The following HLCS variants were observed in gnomAD, a reference collection of about 807,000 sequenced individuals.
The protein encoded by HLCS is biotin--protein ligase.
A neutral mutation model predicts 75.0 loss-of-function variants in HLCS; 53 were observed. The observed-to-expected ratio is 0.71, with a 90% confidence interval of 0.57 to 0.89. The LOEUF is 0.89. Among genes scored for constraint, HLCS ranks in the 40% least tolerant of loss-of-function variants. The probability of loss-of-function intolerance (pLI) is 0.00; values close to 1 mark genes in which losing one functional copy is unlikely to be tolerated. For synonymous variants in HLCS, 431 were observed against 428.6 expected (o/e 1.01, Z -0.07); for missense variants, 966 against 1,074.0 (o/e 0.90, Z 1.41).
chr21:36,805,878 T>C (rs1282120312), intron 6 of HLCS, among the ~76,000 whole-genome samples: 9 of 152,210 alleles, frequency 5.9e-5, no homozygotes, highest in Non-Finnish European at 1.5e-5. Flanking sequence ...GAGAAACTAA[T>C]TTTCAATTGA....
At chr21:36,831,371 G>A (rs79270002) in intron 6 of HLCS, among the ~76,000 whole-genome samples, 7,824 of 152,186 alleles carry the variant, frequency 0.051, 326 homozygotes, top group East Asian at 0.17. Flanking sequence ...TAAATTACAT[G>A]TCTCAGAATA....
chr21:36,789,293 C>T (rs538450659), intron 6 of HLCS, among the ~76,000 whole-genome samples: 4 of 152,198 alleles, frequency 2.6e-5, no homozygotes, highest in East Asian at 1.9e-4. Context: ...TTAAACAGTA[C>T]ATACCACCTC....
At chr21:36,803,317 G>T (rs568173772) in intron 6 of HLCS, among the ~76,000 whole-genome samples, 1 of 152,326 alleles carries the variant, frequency 6.6e-6, no homozygotes, top group East Asian at 1.9e-4. Context: ...CCTTCTCCAT[G>T]GTCTCTGCCT....
At chr21:36,798,769 C>T (rs1482475550) in intron 6 of HLCS, among the ~76,000 whole-genome samples, 1 of 152,200 alleles carries the variant, frequency 6.6e-6, no homozygotes, top group African/African-American at 2.4e-5. Flanking sequence ...TGTTAATTTG[C>T]ATTTCTCTGA....
chr21:36,875,455 A>G (rs1345150687), intron 6 of HLCS, among the ~76,000 whole-genome samples: 1 of 152,210 alleles, frequency 6.6e-6, no homozygotes. Flanking sequence ...CCCCGCTGAG[A>G]GCTGGACACA....
intron 5 of HLCS, among the ~76,000 whole-genome samples, chr21:36,913,758 T>C (rs181799515): frequency 1.1e-4 from 16 of 151,972 alleles, no homozygotes; most frequent in African/African-American, 2.7e-4. Flanking sequence ...AAAGACTCCA[T>C]CTTAAAAAAA....
chr21:36,975,972 GAA>G (rs1202818837), intron 1 of HLCS, among the ~76,000 whole-genome samples: 1 of 152,164 alleles, frequency 6.6e-6, no homozygotes, highest in Non-Finnish European at 1.5e-5. Context: ...CTGAATTTTA[GAA>G]CAGTTGAATT....
At chr21:36,796,719 T>C (rs2061036500) in intron 6 of HLCS, among the ~76,000 whole-genome samples, 1 of 152,154 alleles carries the variant, frequency 6.6e-6, no homozygotes, top group Non-Finnish European at 1.5e-5. Context: ...CTTTGACTCT[T>C]CTACTGAGGG....
At chr21:36,811,533 TG>T (rs1461491353) in intron 6 of HLCS, among the ~76,000 whole-genome samples, 1 of 152,238 alleles carries the variant, frequency 6.6e-6, no homozygotes, top group Non-Finnish European at 1.5e-5. Flanking sequence ...TCCCTGCTGC[TG>T]TTCTAATGCA....
At chr21:36,759,203 A>G in intron 9 of HLCS, 1 of 471,110 alleles carries the variant, frequency 2.1e-6, no homozygotes. Flanking sequence ...CCAGGAACCT[A>G]AGGACTTCTG....
At chr21:36,982,045 CAA>C (rs2069132387) in intron 1 of HLCS, among the ~76,000 whole-genome samples, 1 of 151,970 alleles carries the variant, frequency 6.6e-6, no homozygotes, top group African/African-American at 2.4e-5. Flanking sequence ...TCTCATAACA[CAA>C]GAGCTGAGGC....
intron 7 of HLCS, among the ~76,000 whole-genome samples, chr21:36,765,606 A>G (rs2090004657): frequency 6.6e-6 from 1 of 152,172 alleles, no homozygotes; most frequent in South Asian, 2.1e-4. Flanking sequence ...CCCAGCAAAT[A>G]TGCCATTAAA....
At chr21:36,756,936 CCTT>C (rs1302566196) in intron 9 of HLCS, 181 bp from the exon 10 acceptor site, 42 of 985,242 alleles carry the variant, frequency 4.3e-5, no homozygotes, top group Non-Finnish European at 4.5e-5. Flanking sequence ...TCCTTTTTGT[CCTT>C]CTTTTATTAT....
chr21:36,828,105 A>C (rs1280089638), intron 6 of HLCS, among the ~76,000 whole-genome samples: 2 of 151,874 alleles, frequency 1.3e-5, no homozygotes, highest in Non-Finnish European at 2.9e-5. Context: ...GAGCCACCAT[A>C]CCTGGCCTCA....
intron 5 of HLCS, among the ~76,000 whole-genome samples, chr21:36,915,531 G>A (rs896516596): frequency 2.0e-5 from 3 of 152,236 alleles, no homozygotes; most frequent in South Asian, 2.1e-4. Flanking sequence ...GGGGAGCGGC[G>A]TCCAACACTG....
At chr21:36,942,918 A>G (rs563613217) in intron 2 of HLCS, among the ~76,000 whole-genome samples, 5 of 152,074 alleles carry the variant, frequency 3.3e-5, no homozygotes, top group African/African-American at 1.2e-4. Context: ...CGACAGAGCG[A>G]GACTCCATCT....
At chr21:36,872,237 A>G (rs1201026094) in intron 6 of HLCS, among the ~76,000 whole-genome samples, 2 of 152,046 alleles carry the variant, frequency 1.3e-5, no homozygotes, top group Admixed American at 6.6e-5. Context: ...CCTGGCTAAC[A>G]TGGTGAAACC....
Position 36,972,495 on chromosome 21 carries a change from G to A in HLCS, c.-392-10325C>T, listed in dbSNP as rs529328545. On this transcript the variant is annotated intron_variant, in intron 1 of 11. Coordinates refer to the HLCS transcript ENST00000336648. ...TTGTTGACAGAATGACAATAAGTAG[G>A]ATTCACTGTCTCCTTAAAGACTGAG... Among the ~76,000 whole-genome samples, 63 of 152,194 alleles carry A rather than the reference G, an allele frequency of 4.1e-4. 1 individual carries two copies. Among genetic ancestry groups the A allele is most frequent in the Middle Eastern group, 3.4e-3 (1 of 294 alleles).
intron 9 of HLCS, among the ~76,000 whole-genome samples, chr21:36,757,495 G>C (rs1014331480): frequency 1.3e-5 from 2 of 152,126 alleles, no homozygotes; most frequent in Admixed American, 6.5e-5. Flanking sequence ...GCAGGGCCCT[G>C]AATCGGCCTG....
Sources: gnomAD v4.1 joint callset for allele counts (sites outside exome capture counted in the v4.1 genomes callset) on GRCh38, gnomAD v4.1.1 for gene constraint, MANE v1.5 for transcripts, NCBI Gene and HGNC (gene_info 2026-07-23, HGNC 2026-07-21) for gene names.